The following ZNF438 variants were observed in gnomAD, a reference collection of about 807,000 sequenced individuals.
ZNF438 encodes the protein zinc finger protein 438.
ZNF438 carries 25 observed loss-of-function variants against 38.0 expected under a neutral mutation model. The ratio of observed to expected loss-of-function variants is 0.66; its 90% CI spans 0.48 to 0.92. The LOEUF (loss-of-function observed/expected upper bound fraction) is 0.92. Ranked by LOEUF, ZNF438 falls within the 40% of genes least tolerant of loss-of-function variation. The pLI is 0.00. For missense variants in ZNF438, 1,007 were observed against 999.6 expected, an observed-to-expected ratio of 1.01 and a Z score of -0.10; for synonymous variants, 372 against 364.1, an observed-to-expected ratio of 1.02 and a Z score of -0.25.
chr10:30,996,569 G>A (rs1170263882), intron 1 of ZNF438, among the ~76,000 whole-genome samples: 1 of 151,742 alleles, frequency 6.6e-6, no homozygotes, highest in East Asian at 1.9e-4. Context: ...ACAAGAGAAG[G>A]AAGAAAAGAC....
In ZNF438 at chr10:30,848,529, ACCTCTCCAATGATCCC is replaced by A; in HGVS notation, c.1860_1874+1del. ...CCAGGTCTCCATTACATTGGCACTC[ACCTCTCCAATGATCCC>A]TCCATGCCTCGCACACTCATGTCTC... On this transcript the variant is annotated splice_donor_variant and coding_sequence_variant, in exon 5 of 6. Coordinates refer to ENST00000413025, the Ensembl canonical transcript of ZNF438. LOFTEE classifies it high-confidence loss of function. 1 of 1,606,824 alleles carries A rather than the reference ACCTCTCCAATGATCCC, an allele frequency of 6.2e-7. No individual in the cohort carries two copies. The highest frequency in any genetic ancestry group is 8.5e-7 in the Non-Finnish European group (1 of 1,174,540).
At chr10:30,991,180 G>A (rs1020699693) in intron 1 of ZNF438, among the ~76,000 whole-genome samples, 3 of 152,246 alleles carry the variant, frequency 2.0e-5, no homozygotes, top group South Asian at 2.1e-4. Flanking sequence ...CAGAAGGTCC[G>A]GTCAAGAATA....
chr10:30,844,817 T>TA, exon 6 of ZNF438: 1 of 1,067,796 alleles, frequency 9.4e-7, no homozygotes, highest in Admixed American at 2.4e-5. Context: ...GTTAAGAAAA[T>TA]AAAACCATGT....
rs538801257 is a variant in ZNF438 at position 30,982,099 on chromosome 10, C to CTTT, written c.-191-40451_-191-40449dup. 6.2e-3 allele frequency among the ~76,000 whole-genome samples: 567 copies of CTTT among 90,864 alleles called. 9 individuals are homozygous for CTTT. Among genetic ancestry groups the CTTT allele is most frequent in the African/African-American group, 0.017 (532 of 30,892 alleles). 59.6% of individuals were successfully genotyped at this position (90,864 alleles called of 152,430 possible). A position where few individuals can be genotyped will look rare whatever the true frequency, so the allele number is the denominator to read the frequency against. On this transcript the variant is annotated intron_variant, in intron 1 of 5. Transcript: ENST00000413025. ...TGAGAAAACCATCCTTTTTCTCTTT[C>CTTT]TTTTTTTTTTTTTTATTTTTGAGAT...
intron 3 of ZNF438, among the ~76,000 whole-genome samples, chr10:30,898,735 C>T (rs1165016724): frequency 6.6e-6 from 1 of 151,902 alleles, no homozygotes; most frequent in Non-Finnish European, 1.5e-5. Context: ...TTCCGCATTC[C>T]AATTTCATGG....
chr10:30,934,244 G>A (rs2045998086), intron 2 of ZNF438, among the ~76,000 whole-genome samples: 3 of 151,936 alleles, frequency 2.0e-5, no homozygotes, highest in South Asian at 2.1e-4. Flanking sequence ...AGAGTTGCAC[G>A]CACTCAGGAA....
chr10:30,929,028 C>A (rs1187299055), intron 2 of ZNF438, among the ~76,000 whole-genome samples: 1 of 152,192 alleles, frequency 6.6e-6, no homozygotes, highest in East Asian at 1.9e-4. Context: ...CTGATGAGAT[C>A]TACCTCTGAC....
chr10:30,932,441 C>CTA lies in ZNF438; in HGVS notation c.-115+9132_-115+9133dup, dbSNP rs141972118. Among the ~76,000 whole-genome samples, 1,031 of 152,266 alleles carry CTA rather than the reference C, an allele frequency of 6.8e-3. 13 individuals carry two copies. Among genetic ancestry groups the CTA allele is most frequent in the African/African-American group, 0.023 (967 of 41,542 alleles). On this transcript the variant is annotated intron_variant, in intron 2 of 5. Coordinates refer to ENST00000413025, the Ensembl canonical transcript of ZNF438. ...CATATAGTATGTGCCAGGCAATGTACTAAGTGCTTTATATATGTTAACTTA... is the reference window on the plus strand; with the variant it reads ...CATATAGTATGTGCCAGGCAATGTACTATAAGTGCTTTATATATGTTAACTTA...
chr10:30,879,771 A>T (rs2038956200), intron 3 of ZNF438, among the ~76,000 whole-genome samples: 1 of 152,210 alleles, frequency 6.6e-6, no homozygotes, highest in Non-Finnish European at 1.5e-5. Context: ...CACAGAATGG[A>T]GAAGACAGTA....
intron 4 of ZNF438, among the ~76,000 whole-genome samples, chr10:30,868,720 T>A (rs1374440891): frequency 1.3e-5 from 2 of 152,352 alleles, no homozygotes; most frequent in Non-Finnish European, 2.9e-5. Flanking sequence ...TAAATAAAGA[T>A]GCAAGCATCT....
intron 3 of ZNF438, among the ~76,000 whole-genome samples, chr10:30,890,415 A>T (rs1451368255): frequency 6.6e-6 from 1 of 152,192 alleles, no homozygotes; most frequent in Non-Finnish European, 1.5e-5. Flanking sequence ...TTTAATTCCC[A>T]GGTTCCAGGG....
chr10:30,941,989 G>A (rs1282442283), intron 1 of ZNF438, among the ~76,000 whole-genome samples: 1 of 152,220 alleles, frequency 6.6e-6, no homozygotes, highest in Non-Finnish European at 1.5e-5. Context: ...ATGGGGAACA[G>A]GGAGCTATGA....
chr10:30,925,882 G>A (rs2044853787), intron 2 of ZNF438, among the ~76,000 whole-genome samples: 1 of 151,944 alleles, frequency 6.6e-6, no homozygotes, highest in South Asian at 2.1e-4. Context: ...ATACAATTTG[G>A]GTACATTTAT....
chr10:31,011,624 G>C (rs1299967209), intron 1 of ZNF438, among the ~76,000 whole-genome samples: 1 of 152,176 alleles, frequency 6.6e-6, no homozygotes, highest in Non-Finnish European at 1.5e-5. Flanking sequence ...CTATTGTGGA[G>C]TGGGTGTGTC....
chr10:30,949,070 G>A (rs1435994199), intron 1 of ZNF438, among the ~76,000 whole-genome samples: 1 of 152,154 alleles, frequency 6.6e-6, no homozygotes. Flanking sequence ...AACCCTACAA[G>A]CCAGAAGAGA....
chr10:30,930,668 ATGG>A (rs1290412732), intron 2 of ZNF438, among the ~76,000 whole-genome samples: 2 of 151,692 alleles, frequency 1.3e-5, no homozygotes, highest in African/African-American at 2.4e-5. Context: ...TTAGCCGGCC[ATGG>A]TGGTGAGTGC....
chr10:31,027,557 C>A (rs751449333), intron 1 of ZNF438, among the ~76,000 whole-genome samples: 7 of 152,030 alleles, frequency 4.6e-5, no homozygotes, highest in Admixed American at 1.3e-4. Flanking sequence ...CCTCACTGTG[C>A]CTGAACTTAA....
chr10:31,028,865 C>T (rs1180659604), intron 1 of ZNF438, among the ~76,000 whole-genome samples: 1 of 152,192 alleles, frequency 6.6e-6, no homozygotes, highest in Non-Finnish European at 1.5e-5. Context: ...GTGGGGAATA[C>T]CAGATACTGG....
intron 1 of ZNF438, among the ~76,000 whole-genome samples, chr10:30,952,092 C>T (rs1189210994): frequency 8.4e-4 from 127 of 151,016 alleles, no homozygotes; most frequent in Non-Finnish European, 9.2e-4. Flanking sequence ...TCAGAAATAA[C>T]GCTGCCTATC....
Sources: gnomAD v4.1 joint callset for allele counts (sites outside exome capture counted in the v4.1 genomes callset) on GRCh38, gnomAD v4.1.1 for gene constraint, MANE v1.5 for transcripts, NCBI Gene and HGNC (gene_info 2026-07-23, HGNC 2026-07-21) for gene names.